The following CCDC181 variants were observed in gnomAD, a reference collection of about 807,000 sequenced individuals.
The protein encoded by CCDC181 is coiled-coil domain-containing protein 181.
Under a neutral mutation model 58.7 loss-of-function variants are expected in CCDC181, and 35 were observed. The observed-to-expected ratio is 0.60, with a 90% CI of 0.46 to 0.79. CCDC181 has a LOEUF of 0.79. CCDC181 is among the 30% of genes least tolerant of loss of function. The pLI, the probability that CCDC181 is intolerant of heterozygous loss-of-function variation, is 0.00. For missense variants in CCDC181, 517 were observed against 583.9 expected (o/e 0.89, Z 1.18); for synonymous variants, 183 against 197.5 (o/e 0.93, Z 0.62).
At chr1:169,416,354 G>T (rs1656214255) in intron 4 of CCDC181, among the ~76,000 whole-genome samples, 1 of 152,164 alleles carries the variant, frequency 6.6e-6, no homozygotes, top group Non-Finnish European at 1.5e-5. Flanking sequence ...TTGGTTGCCA[G>T]TGAAGGATTC....
chr1:169,401,999 C>T (rs188614504), intron 4 of CCDC181, among the ~76,000 whole-genome samples: 31 of 152,198 alleles, frequency 2.0e-4, no homozygotes, highest in African/African-American at 7.2e-4. Context: ...ACAAGAACTA[C>T]GCGATGCATG....
At chr1:169,449,621 A>G (rs1371224723) in intron 2 of CCDC181, among the ~76,000 whole-genome samples, 1 of 152,220 alleles carries the variant, frequency 6.6e-6, no homozygotes, top group East Asian at 1.9e-4. Flanking sequence ...GCCCCTGGCA[A>G]ACCAATGGTG....
chr1:169,426,328 A>G (rs1031752410), intron 1 of CCDC181, among the ~76,000 whole-genome samples: 5 of 152,216 alleles, frequency 3.3e-5, no homozygotes, highest in African/African-American at 1.2e-4. Flanking sequence ...TAGAACAAAA[A>G]TACATCTTAT....
rs1656650461 is a variant in CCDC181 at position 169,424,953 on chromosome 1, G to C, written c.-23-3C>G. 1 of 1,383,928 alleles carries C rather than the reference G, an allele frequency of 7.2e-7. No individual in the cohort carries two copies. Among genetic ancestry groups the C allele is most frequent in the Non-Finnish European group, 1.0e-6 (1 of 976,960 alleles). The allele number at this position is 1,383,928 out of a possible 1,614,324, so 85.7% of individuals were successfully genotyped here. On this transcript the variant is annotated splice_polypyrimidine_tract_variant and splice_region_variant and intron_variant, in intron 1 of 5. Coordinates refer to ENST00000367806, the MANE Select transcript of CCDC181 (RefSeq NM_001300969.2). ...TTTCTGTTTGTGAAGGAAATATGCT[G>C]TAAGATTTTAAAAGATAAGGTATAT...
intron 4 of CCDC181, among the ~76,000 whole-genome samples, chr1:169,399,264 A>G (rs1451906526): frequency 6.6e-6 from 1 of 152,224 alleles, no homozygotes; most frequent in Non-Finnish European, 1.5e-5. Context: ...CTTTTGTAAC[A>G]GCCCAGCCAA....
chr1:169,420,900 C>G (rs1480352083), intron 3 of CCDC181, among the ~76,000 whole-genome samples: 3 of 152,110 alleles, frequency 2.0e-5, no homozygotes, highest in Non-Finnish European at 4.4e-5. Flanking sequence ...AAACTAAACT[C>G]CTGGAAATAA....
chr1:169,455,998 T>C (rs1657667692), intron 2 of CCDC181, among the ~76,000 whole-genome samples: 1 of 152,172 alleles, frequency 6.6e-6, no homozygotes, highest in Non-Finnish European at 1.5e-5. Flanking sequence ...TGATTTTTTT[T>C]CTCTCCTTAA....
intron 3 of CCDC181, among the ~76,000 whole-genome samples, chr1:169,420,397 CTTTT>C (rs58922330): frequency 3.7e-5 from 5 of 133,982 alleles, no homozygotes; most frequent in Non-Finnish European, 6.5e-5. Flanking sequence ...TCATGTTTCA[CTTTT>C]TTTTTTTTTT....
chr1:169,427,517 GACCCCTCCCGGC>G (rs1656769193), upstream of CCDC181: 1 of 152,216 alleles, frequency 6.6e-6, no homozygotes, highest in African/African-American at 2.4e-5. Context: ...TCAGACCACC[GACCCCTCCCGGC>G]ACCCATCCCG....
intron 4 of CCDC181, among the ~76,000 whole-genome samples, chr1:169,404,399 C>T (rs1202271499): frequency 1.3e-5 from 2 of 152,160 alleles, no homozygotes; most frequent in Non-Finnish European, 2.9e-5. Flanking sequence ...AACATTGATG[C>T]AAAAATCCTC....
intron 2 of CCDC181, among the ~76,000 whole-genome samples, chr1:169,443,645 T>C (rs1657293014): frequency 6.6e-6 from 1 of 152,144 alleles, no homozygotes; most frequent in Non-Finnish European, 1.5e-5. Flanking sequence ...CAGTGCAGAT[T>C]AATAGCAGAA....
upstream of CCDC181, among the ~76,000 whole-genome samples, chr1:169,430,955 T>C (rs1276830817): frequency 3.3e-5 from 5 of 152,190 alleles, no homozygotes. Flanking sequence ...TACACTCCTA[T>C]GCAAACATTA....
At chr1:169,432,576 C>T (rs778566463) in intron 2 of CCDC181, among the ~76,000 whole-genome samples, 5 of 152,148 alleles carry the variant, frequency 3.3e-5, no homozygotes, top group African/African-American at 9.7e-5. Context: ...AAAGAAGCAA[C>T]TCATCACATG....
At chr1:169,456,004 CTTAA>C (rs1025267609) in intron 2 of CCDC181, among the ~76,000 whole-genome samples, 8 of 151,984 alleles carry the variant, frequency 5.3e-5, no homozygotes, top group African/African-American at 1.4e-4. Context: ...TTTTTCTCTC[CTTAA>C]TTAAAGACTA....
chr1:169,406,858 A>C (rs952086307), intron 4 of CCDC181, among the ~76,000 whole-genome samples: 5 of 151,962 alleles, frequency 3.3e-5, no homozygotes, highest in Non-Finnish European at 7.4e-5. Context: ...ACACAACCTA[A>C]ATTCCCTGAA....
chr1:169,455,112 T>G (rs1302292168), intron 2 of CCDC181, among the ~76,000 whole-genome samples: 1 of 151,988 alleles, frequency 6.6e-6, no homozygotes, highest in East Asian at 1.9e-4. Context: ...AAATGAGAGT[T>G]AAATTAGTAA....
At chr1:169,407,489 G>A (rs192940367) in intron 4 of CCDC181, among the ~76,000 whole-genome samples, 129 of 152,132 alleles carry the variant, frequency 8.5e-4, no homozygotes, top group Middle Eastern at 3.4e-3. Context: ...TACTTAAAAA[G>A]TATATAAGAA....
At chr1:169,450,393 C>T (rs1657503298) in intron 2 of CCDC181, among the ~76,000 whole-genome samples, 1 of 152,196 alleles carries the variant, frequency 6.6e-6, no homozygotes, top group Non-Finnish European at 1.5e-5. Context: ...CCCTTCAGCT[C>T]CTGGAAACCA....
chr1:169,436,592 A>T (rs1020477667), intron 2 of CCDC181, among the ~76,000 whole-genome samples: 1 of 152,128 alleles, frequency 6.6e-6, no homozygotes, highest in Non-Finnish European at 1.5e-5. Context: ...CTAAAAGAAA[A>T]TTTTTTTGTC....
Sources: gnomAD v4.1 joint callset for allele counts (sites outside exome capture counted in the v4.1 genomes callset) on GRCh38, gnomAD v4.1.1 for gene constraint, MANE v1.5 for transcripts, NCBI Gene and HGNC (gene_info 2026-07-23, HGNC 2026-07-21) for gene names.